The following SOX5 variants were observed in gnomAD, a reference collection of about 807,000 sequenced individuals.
SOX5 encodes SRY-box transcription factor 5.
SOX5 carries 9 observed loss-of-function variants against 92.0 expected under a neutral mutation model. That is an observed-to-expected ratio of 0.10 (90% CI 0.06 to 0.17). The LOEUF is 0.17. Among genes scored for constraint, SOX5 ranks in the 10% least tolerant of loss-of-function variants. SOX5 has a pLI of 1.00. For synonymous variants in SOX5, 344 were observed against 336.3 expected (o/e 1.02, Z -0.25); for missense variants, 642 against 944.5 (o/e 0.68, Z 4.20).
At chr12:24,350,170 T>C (rs1052501037) in intron 2 of SOX5, among the ~76,000 whole-genome samples, 2 of 152,330 alleles carry the variant, frequency 1.3e-5, no homozygotes, top group African/African-American at 4.8e-5. Context: ...GCACTGACTA[T>C]TGAAAGTGCC....
At chr12:24,045,773 C>T (rs921611464) in intron 4 of SOX5, among the ~76,000 whole-genome samples, 5 of 152,118 alleles carry the variant, frequency 3.3e-5, no homozygotes, top group African/African-American at 1.2e-4. Flanking sequence ...TAAAATTATC[C>T]CTCTGTACAG....
At chr12:24,102,101 ATTG>A (rs1417696085) in intron 4 of SOX5, among the ~76,000 whole-genome samples, 2 of 152,178 alleles carry the variant, frequency 1.3e-5, no homozygotes, top group Non-Finnish European at 2.9e-5. Flanking sequence ...TGAATACAGA[ATTG>A]TTGTTTTGGC....
intron 2 of SOX5, among the ~76,000 whole-genome samples, chr12:24,286,061 T>C (rs1409525226): frequency 6.6e-6 from 1 of 152,122 alleles, no homozygotes; most frequent in African/African-American, 2.4e-5. Context: ...TTAACCTGCT[T>C]TAATATAAAG....
intron 1 of SOX5, among the ~76,000 whole-genome samples, chr12:24,381,565 A>G (rs1957827114): frequency 1.3e-5 from 2 of 152,172 alleles, no homozygotes; most frequent in Admixed American, 1.3e-4. Context: ...ATGTTTTTCT[A>G]AAAAAATCTC....
chr12:23,570,845 A>G (rs1948061852), intron 10 of SOX5, among the ~76,000 whole-genome samples: 1 of 143,570 alleles, frequency 7.0e-6, no homozygotes. Context: ...CAGGAGGCGG[A>G]GCTTGCAGTG....
intron 1 of SOX5, among the ~76,000 whole-genome samples, chr12:23,901,658 A>G (rs1251139248): frequency 1.3e-5 from 2 of 152,064 alleles, no homozygotes; most frequent in Admixed American, 6.6e-5. Flanking sequence ...TAATCACTTG[A>G]TATATTTTAC....
chr12:23,715,088 A>T (rs547926806), intron 6 of SOX5, among the ~76,000 whole-genome samples: 173 of 152,214 alleles, frequency 1.1e-3, no homozygotes, highest in African/African-American at 4.1e-3. Flanking sequence ...TCACGAGGTC[A>T]GGAGATCAAG....
intron 3 of SOX5, among the ~76,000 whole-genome samples, chr12:24,230,912 A>T (rs1045486399): frequency 6.6e-6 from 1 of 152,218 alleles, no homozygotes; most frequent in Non-Finnish European, 1.5e-5. Flanking sequence ...TGACAAGATA[A>T]ATCTAAAAAG....
At chr12:23,707,972 TAAC>T (rs1473660908) in intron 6 of SOX5, among the ~76,000 whole-genome samples, 1 of 152,066 alleles carries the variant, frequency 6.6e-6, no homozygotes, top group Non-Finnish European at 1.5e-5. Flanking sequence ...ATGGAGCAAT[TAAC>T]ACACTTCTCG....
chr12:24,177,231 G>A (rs1954923165), intron 4 of SOX5, among the ~76,000 whole-genome samples: 1 of 152,146 alleles, frequency 6.6e-6, no homozygotes, highest in Non-Finnish European at 1.5e-5. Context: ...GGAAACTGAA[G>A]AAATGTAGAG....
In SOX5 at chr12:23,779,920, CAT is replaced by C. The variant is rs141000692; in HGVS notation, c.482-24198_482-24197del. 1.8e-3 allele frequency among the ~76,000 whole-genome samples: 248 copies of C among 140,652 alleles called. 1 individual carries two copies. Among genetic ancestry groups the C allele is most frequent in the African/African-American group, 5.9e-3 (226 of 38,372 alleles). 92.3% of individuals were successfully genotyped at this position (140,652 alleles called of 152,430 possible). On this transcript the variant is annotated intron_variant, in intron 3 of 14. Transcript: ENST00000451604. The stretch of plus-strand genomic sequence containing the variant: ...AATGTGTGCTCCAATTAGAAAAAGA[CAT>C]GTGTTTATGTGTGTGCATGAGACAC...
intron 1 of SOX5, among the ~76,000 whole-genome samples, chr12:24,408,753 G>C (rs969502362): frequency 3.9e-5 from 6 of 152,194 alleles, no homozygotes; most frequent in Non-Finnish European, 8.8e-5. Flanking sequence ...AGGATGCTGA[G>C]TTGTTTCAAG....
At chr12:23,768,614 A>T (rs2094817361) in intron 3 of SOX5, among the ~76,000 whole-genome samples, 1 of 152,206 alleles carries the variant, frequency 6.6e-6, no homozygotes, top group Non-Finnish European at 1.5e-5. Context: ...GTGTTCCAAT[A>T]ATAAGAGTTG....
At chr12:24,415,572 G>A (rs986052323) in intron 1 of SOX5, among the ~76,000 whole-genome samples, 1 of 152,160 alleles carries the variant, frequency 6.6e-6, no homozygotes, top group African/African-American at 2.4e-5. Context: ...ATACCAATTT[G>A]TGAGTTAGGC....
Position 23,603,981 on chromosome 12 carries a change from C to A in SOX5, c.1164+406G>T, listed in dbSNP as rs113819457. On this transcript the variant is annotated intron_variant, in intron 9 of 14. Transcript: ENST00000451604. The stretch of plus-strand genomic sequence containing the variant: ...TGGCAAACTCCTGATGGGATCTCTC[C>A]CTGAAGATGATCTCTGCCTCCCAAT... 8.8e-3 allele frequency: 1,439 copies of A among 163,950 alleles called. 20 individuals carry two copies. Among genetic ancestry groups the A allele is most frequent in the African/African-American group, 0.032 (1,357 of 41,754 alleles). The allele number at this position is 163,950 out of a possible 1,614,324, so 10.2% of individuals were successfully genotyped here. A position where few individuals can be genotyped will look rare whatever the true frequency, so the allele number is the denominator to read the frequency against.
At chr12:23,938,765 A>T (rs995629269) in intron 1 of SOX5, among the ~76,000 whole-genome samples, 1 of 151,016 alleles carries the variant, frequency 6.6e-6, no homozygotes, top group Non-Finnish European at 1.5e-5. Context: ...AGGAAACTAC[A>T]GTTGCATTGC....
chr12:24,267,926 T>A (rs548887417), intron 3 of SOX5, among the ~76,000 whole-genome samples: 7 of 152,216 alleles, frequency 4.6e-5, no homozygotes, highest in African/African-American at 1.7e-4. Flanking sequence ...ATATTTTTAA[T>A]CAATGAGGAA....
In SOX5 at chr12:24,268,379, T is replaced by C. The variant is rs1000564019; in HGVS notation, c.-77+8837A>G. ...TAGCCTGCTTTGCATGGTGTTTTAC[T>C]GAAAATGCTTCATTATCTTGGTGAG... On this transcript the variant is annotated intron_variant, in intron 3 of 4. Transcript: ENST00000446891. Among the ~76,000 whole-genome samples the C allele has an allele frequency of 2.6e-5, 4 of 152,280 alleles. No homozygotes were observed. In the East Asian group the frequency reaches 7.7e-4, roughly 29 times the overall value.
At chr12:24,213,765 A>G (rs1215647756) in intron 3 of SOX5, among the ~76,000 whole-genome samples, 2 of 151,992 alleles carry the variant, frequency 1.3e-5, no homozygotes, top group Non-Finnish European at 2.9e-5. Context: ...ATATGAACTA[A>G]TTATTTTGGA....
Sources: gnomAD v4.1 joint callset for allele counts (sites outside exome capture counted in the v4.1 genomes callset) on GRCh38, gnomAD v4.1.1 for gene constraint, MANE v1.5 for transcripts, NCBI Gene and HGNC (gene_info 2026-07-23, HGNC 2026-07-21) for gene names.